SRGAP1: variants seen among roughly 807,000 people sequenced by gnomAD.
The protein encoded by SRGAP1 is SLIT-ROBO Rho GTPase-activating protein 1.
In SRGAP1, 43 loss-of-function variants were observed where a neutral mutation model predicts 121.9. The ratio of observed to expected loss-of-function variants is 0.35; its 90% confidence interval spans 0.28 to 0.46. The LOEUF (loss-of-function observed/expected upper bound fraction) is 0.46, where lower values mean the gene tolerates loss of function less well. Ranked by LOEUF, SRGAP1 falls within the 20% of genes least tolerant of loss-of-function variation. The probability of loss-of-function intolerance (pLI) is 1.00; values close to 1 mark genes in which losing one functional copy is unlikely to be tolerated. For synonymous variants in SRGAP1, 447 were observed against 485.4 expected (o/e 0.92, Z 1.04); for missense variants, 1,102 against 1,350.9 (o/e 0.82, Z 2.89).
At position 63,962,430 on chromosome 12, in the gene SRGAP1, C is replaced by G. The variant is rs117380084; in HGVS notation, c.68-21517C>G. Among the ~76,000 whole-genome samples the G allele has an allele frequency of 4.0e-3, 610 of 152,216 alleles. 3 individuals carry two copies. The highest frequency in any genetic ancestry group is 6.5e-3 in the Admixed American group (100 of 15,286). ...AGTGAGAAACATTCTTTTTTTGAGACAGAGCCTTGCTCTGCCACCCAGGCT... is the reference window on the plus strand; with the variant it reads ...AGTGAGAAACATTCTTTTTTTGAGAGAGAGCCTTGCTCTGCCACCCAGGCT... On this transcript the variant is annotated intron_variant, in intron 1 of 21. Transcript: ENST00000355086.
Position 64,084,343 on chromosome 12 carries a change from G to T in SRGAP1, c.1409-2656G>T, listed in dbSNP as rs1477896280. On this transcript the variant is annotated intron_variant, in intron 10 of 21. Transcript: ENST00000355086. ...AAATGGCTTATATGTTGGGGGGTGT[G>T]GCGAGGGGAAGGAGTGGTCCGTTGT... is the stretch of plus-strand genomic sequence containing the variant. Among the ~76,000 whole-genome samples, 9 of 145,724 alleles carry T rather than the reference G, an allele frequency of 6.2e-5. 1 individual carries two copies. The Admixed American group carries it at 6.4e-4, about 10-fold the overall frequency.
intron 1 of SRGAP1, among the ~76,000 whole-genome samples, chr12:63,871,109 A>G (rs1899838234): frequency 2.6e-5 from 4 of 152,178 alleles, no homozygotes; most frequent in Admixed American, 1.3e-4. Context: ...TTTGGGAACT[A>G]CTGCCGTAAA....
intron 18 of SRGAP1, among the ~76,000 whole-genome samples, chr12:64,119,011 A>G (rs2036564965): frequency 6.6e-6 from 1 of 152,140 alleles, no homozygotes; most frequent in Non-Finnish European, 1.5e-5. Context: ...CCAGCCCCAT[A>G]TATTCTTTTA....
chr12:64,054,861 A>T (rs1415442376), intron 6 of SRGAP1, among the ~76,000 whole-genome samples: 4 of 148,990 alleles, frequency 2.7e-5, no homozygotes, highest in African/African-American at 9.8e-5. Context: ...AGCATTAGGT[A>T]TATCTCCCAA....
At chr12:64,106,594 G>T (rs558004301) in intron 15 of SRGAP1, among the ~76,000 whole-genome samples, 2 of 152,200 alleles carry the variant, frequency 1.3e-5, no homozygotes, top group African/African-American at 4.8e-5. Context: ...GAGATAAACA[G>T]CTTACTCTGG....
In SRGAP1 at chr12:64,095,009, A is replaced by G. The variant is rs1247616160; in HGVS notation, c.1600+17A>G. 5.6e-6 allele frequency: 9 copies of G among 1,613,518 alleles called. No homozygotes were observed. The highest frequency in any genetic ancestry group is 4.5e-5 in the East Asian group (2 of 44,866). ...ATCTCTATGGTAAGCCATAAACTAC[A>G]GAATTCTTATTTTTTAAAAAATCAC... On this transcript the variant is annotated intron_variant, in intron 13 of 21. Coordinates refer to ENST00000355086, the MANE Select transcript of SRGAP1 (RefSeq NM_020762.4).
rs1009538169 is a variant in SRGAP1, at chr12:64,144,931, A to G, written c.*2259A>G. On this transcript the variant is annotated 3_prime_UTR_variant, in exon 22 of 22. Coordinates refer to ENST00000355086, the MANE Select transcript of SRGAP1 (RefSeq NM_020762.4). ...GCAATCTCGGCTCCCTGCAACCTCCATCTCCCGGGTTCAAGCAATTCTCCT... is the reference window on the plus strand; with the variant it reads ...GCAATCTCGGCTCCCTGCAACCTCCGTCTCCCGGGTTCAAGCAATTCTCCT... 2 of 130,186 alleles carry G rather than the reference A, an allele frequency of 1.5e-5. No homozygotes were observed. Among genetic ancestry groups the G allele is most frequent in the Non-Finnish European group, 3.1e-5 (2 of 65,522 alleles). The allele number at this position is 130,186 out of a possible 1,614,324, so 8.1% of individuals were successfully genotyped here. A position where few individuals can be genotyped will look rare whatever the true frequency, so the allele number is the denominator to read the frequency against.
intron 1 of SRGAP1, among the ~76,000 whole-genome samples, chr12:63,913,480 T>TATATATATATATATATATATAG (rs1439123798): frequency 3.7e-5 from 4 of 108,624 alleles, no homozygotes; most frequent in Non-Finnish European, 5.6e-5. Context: ...TATATATGGA[T>TATATATATATATATATATATAG]ATATATATAT....
intron 3 of SRGAP1, among the ~76,000 whole-genome samples, chr12:64,003,545 A>C (rs988139432): frequency 1.3e-5 from 2 of 152,108 alleles, no homozygotes; most frequent in African/African-American, 4.8e-5. Context: ...TAACTAAAAC[A>C]ACAACAAAAA....
In SRGAP1 at chr12:64,148,027, A is replaced by G. The variant is rs191131925; in HGVS notation, c.*5355A>G. The G allele has an allele frequency of 8.5e-4, 141 of 166,236 alleles. No individual in the cohort carries two copies. Among genetic ancestry groups the G allele is most frequent in the African/African-American group, 3.1e-3 (133 of 42,240 alleles). 10.3% of individuals were successfully genotyped at this position (166,236 alleles called of 1,614,324 possible). ...GGGTGTCCTGCACAGGGCCCTGCCC[A>G]TGAAGCTGTGGTTTTTCAGTCATGG... is the stretch of plus-strand genomic sequence containing the variant. On this transcript the variant is annotated 3_prime_UTR_variant, in exon 22 of 22. Coordinates refer to ENST00000355086, the MANE Select transcript of SRGAP1 (RefSeq NM_020762.4).
At chr12:63,961,021 A>G (rs2032622348) in intron 1 of SRGAP1, among the ~76,000 whole-genome samples, 1 of 152,234 alleles carries the variant, frequency 6.6e-6, no homozygotes, top group Admixed American at 6.5e-5. Context: ...CATTTGTAAG[A>G]GAAGCAGTTG....
At chr12:64,010,184 C>T (rs1266646600) in intron 3 of SRGAP1, among the ~76,000 whole-genome samples, 1 of 152,122 alleles carries the variant, frequency 6.6e-6, no homozygotes. Context: ...TTCTCTTTCT[C>T]TTTTACTCCC....
intron 21 of SRGAP1, among the ~76,000 whole-genome samples, chr12:64,137,961 A>AAATATATATATAT (rs372355390): frequency 3.2e-4 from 44 of 139,674 alleles, no homozygotes; most frequent in African/African-American, 1.1e-3. Flanking sequence ...TTAAAAAAAA[A>AAATATATATATAT]ATATATATAT....
chr12:63,911,301 A>T (rs1348344585), intron 1 of SRGAP1, among the ~76,000 whole-genome samples: 1 of 135,464 alleles, frequency 7.4e-6, no homozygotes, highest in African/African-American at 2.5e-5. Context: ...TCTGTCTCAA[A>T]AAAAAAAAAA....
intron 6 of SRGAP1, among the ~76,000 whole-genome samples, chr12:64,054,215 A>G (rs1479362803): frequency 6.6e-6 from 1 of 152,184 alleles, no homozygotes; most frequent in Non-Finnish European, 1.5e-5. Context: ...AATCTTTGTT[A>G]TTATAATTAT....
chr12:64,084,544 A>T (rs2035905427), intron 10 of SRGAP1, among the ~76,000 whole-genome samples: 1 of 151,982 alleles, frequency 6.6e-6, no homozygotes. Flanking sequence ...CACACTCAGG[A>T]CTATTAGCTG....
At chr12:64,117,636 G>C (rs910791298) in intron 18 of SRGAP1, among the ~76,000 whole-genome samples, 2 of 151,986 alleles carry the variant, frequency 1.3e-5, no homozygotes, top group African/African-American at 2.4e-5. Context: ...ATTTTGGTAA[G>C]AACACTTAAG....
chr12:64,029,434 C>G (rs1335604080), intron 4 of SRGAP1, among the ~76,000 whole-genome samples: 1 of 152,142 alleles, frequency 6.6e-6, no homozygotes, highest in African/African-American at 2.4e-5. Context: ...GCCCTGTGAT[C>G]AGGGAGCTAG....
intron 1 of SRGAP1, among the ~76,000 whole-genome samples, chr12:63,895,518 G>A (rs1445661501): frequency 5.9e-5 from 9 of 152,266 alleles, no homozygotes; most frequent in Non-Finnish European, 1.2e-4. Flanking sequence ...ATGTCTATTA[G>A]ACAACACAGT....
Sources: gnomAD v4.1 joint callset for allele counts (sites outside exome capture counted in the v4.1 genomes callset) on GRCh38, gnomAD v4.1.1 for gene constraint, MANE v1.5 for transcripts, NCBI Gene and HGNC (gene_info 2026-07-23, HGNC 2026-07-21) for gene names.